CORO1B: variants seen among roughly 807,000 people sequenced by gnomAD.
CORO1B encodes coronin-1B.
A neutral mutation model predicts 51.1 loss-of-function variants in CORO1B; 30 were observed. The observed-to-expected ratio is 0.59, with a 90% CI of 0.44 to 0.80. CORO1B has a LOEUF of 0.80. Ranked by LOEUF, CORO1B falls within the 30% of genes least tolerant of loss-of-function variation. The pLI is 0.00. For synonymous variants in CORO1B, 310 were observed against 289.7 expected (o/e 1.07, Z -0.71); for missense variants, 648 against 700.4 (o/e 0.93, Z 0.84).
upstream of CORO1B, chr11:67,443,495 T>TGAC (rs1331392771): frequency 1.2e-5 from 12 of 983,876 alleles, no homozygotes; most frequent in Non-Finnish European, 1.4e-5. Context: ...ATTCAGGAAG[T>TGAC]GACAGAGGGA....
Position 67,440,280 on chromosome 11 carries a change from C to A in CORO1B, c.862-17G>T, listed in dbSNP as rs1354939363. 1 of 1,612,740 alleles carries A rather than the reference C, an allele frequency of 6.2e-7. No homozygotes were observed. The highest frequency in any genetic ancestry group is 8.5e-7 in the Non-Finnish European group (1 of 1,179,242). On this transcript the variant is annotated splice_polypyrimidine_tract_variant and intron_variant, in intron 7 of 10. Coordinates refer to ENST00000341356, the MANE Select transcript of CORO1B (RefSeq NM_020441.3). ...GGAGTCACCCTGTGTGGGGAGGGGG[C>A]TCAGCACCTGGGCACGCCTCTTCCC...
rs1864312802 is a variant in CORO1B at position 67,437,594 on chromosome 11, A to AC, written c.*781dup. ...ACCGCCTGTGGCCCCCATCCCAAGA[A>AC]CCCGGGGGGCTCCGAGGCTTACCAT... On this transcript the variant is annotated 3_prime_UTR_variant, in exon 11 of 11. Transcript: ENST00000341356. The AC allele has an allele frequency of 2.6e-5, 35 of 1,349,138 alleles. No individual in the cohort carries two copies. Among genetic ancestry groups the AC allele is most frequent in the Non-Finnish European group, 3.4e-5 (35 of 1,041,538 alleles). 83.6% of individuals were successfully genotyped at this position (1,349,138 alleles called of 1,614,324 possible).
rs1036453828 is a variant in CORO1B at position 67,436,153 on chromosome 11, C to T, written c.*2223G>A. 22 of 1,568,440 alleles carry T rather than the reference C, an allele frequency of 1.4e-5. No homozygotes were observed. The highest frequency in any genetic ancestry group is 5.8e-5 in the South Asian group (5 of 86,368). Reference sequence around the variant, plus strand: ...CCCACAGCGCGGCACCTAGGCGGGCCGGGTGGTAGTAGCCCCCTGAGTCAC... The same window carrying T: ...CCCACAGCGCGGCACCTAGGCGGGCTGGGTGGTAGTAGCCCCCTGAGTCAC... On this transcript the variant is annotated 3_prime_UTR_variant, in exon 11 of 11. Transcript: ENST00000341356.
rs1446057020 is a variant in CORO1B, at chr11:67,436,490, C to T, written c.*1886G>A. ...ACAGCCAAGCAGAAAAGGCCAAGGC[C>T]TTATTTGGTCAACCAGGCTCTGGCC... On this transcript the variant is annotated 3_prime_UTR_variant, in exon 11 of 11. Coordinates refer to ENST00000341356, the MANE Select transcript of CORO1B (RefSeq NM_020441.3). The T allele has an allele frequency of 1.0e-6, 1 of 1,000,494 alleles. No individual in the cohort carries two copies. Among genetic ancestry groups the T allele is most frequent in the Non-Finnish European group, 1.4e-6 (1 of 723,564 alleles). 62.0% of individuals were successfully genotyped at this position (1,000,494 alleles called of 1,614,324 possible).
intron 1 of CORO1B, 55 bp downstream of exon 1, chr11:67,443,349 G>T: frequency 4.7e-6 from 2 of 425,132 alleles, no homozygotes; most frequent in Non-Finnish European, 6.3e-6. Context: ...CCCGGCCCCT[G>T]CAGCCCCGCC....
chr11:67,441,662 C>CTGGAGGGGCTGCTGGGATGTA, intron 4 of CORO1B, 71 bp downstream of exon 4: 1 of 1,491,228 alleles, frequency 6.7e-7, no homozygotes, highest in Non-Finnish European at 9.0e-7. Context: ...CATGTGGGCC[C>CTGGAGGGGCTGCTGGGATGTA]TGGAGGGGCT....
At chr11:67,438,988 G>A (rs1590985413) in intron 9 of CORO1B, 39 bp from the exon 10 acceptor site, 1 of 1,560,514 alleles carries the variant, frequency 6.4e-7, no homozygotes, top group Non-Finnish European at 8.7e-7. Context: ...CAGTTAGGAG[G>A]CCCCATCAGG....
chr11:67,443,110 G>A (rs1277508130), intron 1 of CORO1B, among the ~76,000 whole-genome samples: 1 of 152,184 alleles, frequency 6.6e-6, no homozygotes, highest in Non-Finnish European at 1.5e-5. Context: ...GGAATGTCCA[G>A]GGAGCCCCGG....
At position 67,437,505 on chromosome 11, in the gene CORO1B, A is replaced by C; in HGVS notation, c.*871T>G. 3.3e-6 allele frequency: 4 copies of C among 1,227,120 alleles called. No individual in the cohort carries two copies. Among genetic ancestry groups the C allele is most frequent in the Non-Finnish European group, 4.2e-6 (4 of 943,264 alleles). 76.0% of individuals were successfully genotyped at this position (1,227,120 alleles called of 1,614,324 possible). A position where few individuals can be genotyped will look rare whatever the true frequency, so the allele number is the denominator to read the frequency against. ...CTCTGCCATACTCCTCTTAGGTCTC[A>C]CCTCTTCCCTGGGGCCAATGTGGGG... On this transcript the variant is annotated 3_prime_UTR_variant, in exon 11 of 11. Transcript: ENST00000341356.
Position 67,436,135 on chromosome 11 carries a change from C to A in CORO1B, c.*2241G>T. 1 of 1,584,800 alleles carries A rather than the reference C, an allele frequency of 6.3e-7. No individual in the cohort carries two copies. Among genetic ancestry groups the A allele is most frequent in the Non-Finnish European group, 8.6e-7 (1 of 1,165,402 alleles). On this transcript the variant is annotated 3_prime_UTR_variant, in exon 11 of 11. Transcript: ENST00000341356. ...GCAGGCGCCGCGTGCGGCCCCACAG[C>A]GCGGCACCTAGGCGGGCCGGGTGGT...
At chr11:67,443,708 A>G (rs1590988983), upstream of CORO1B, 2 of 984,320 alleles carry the variant, frequency 2.0e-6, no homozygotes, top group Non-Finnish European at 1.2e-6. Context: ...GGCAGGGCCG[A>G]CGGCGGCCGC....
In CORO1B at chr11:67,436,186, G is replaced by T. The variant is rs1343939205; in HGVS notation, c.*2190C>A. On this transcript the variant is annotated 3_prime_UTR_variant, in exon 11 of 11. Transcript: ENST00000341356. The stretch of plus-strand genomic sequence containing the variant: ...AGTAGCCCCCTGAGTCACGGCTGAG[G>T]CGGCGCCAGGCCAGTGCTAGGCCAG... 1 of 1,554,426 alleles carries T rather than the reference G, an allele frequency of 6.4e-7. No individual in the cohort carries two copies. The highest frequency in any genetic ancestry group is 2.4e-5 in the East Asian group (1 of 41,508).
rs1231419124 is a variant in CORO1B, at chr11:67,436,295, C to G, written c.*2081G>C. 6.5e-7 allele frequency: 1 copy of G among 1,530,532 alleles called. No homozygotes were observed. The highest frequency in any genetic ancestry group is 2.0e-5 in the Admixed American group (1 of 49,870). 94.8% of individuals were successfully genotyped at this position (1,530,532 alleles called of 1,614,324 possible). ...GCTGTCCTCCGCGCTGCCACCCGAG[C>G]CCAAGGCCCCTGGCAGGGCCAGCAG... is the stretch of plus-strand genomic sequence containing the variant. On this transcript the variant is annotated 3_prime_UTR_variant, in exon 11 of 11. Coordinates refer to ENST00000341356, the MANE Select transcript of CORO1B (RefSeq NM_020441.3).
intron 9 of CORO1B, 88 bp downstream of exon 9, chr11:67,439,698 T>C: frequency 7.6e-7 from 1 of 1,318,244 alleles, no homozygotes; most frequent in Non-Finnish European, 1.1e-6. Context: ...CTAGGTCATG[T>C]TCCATTCACA....
intron 10 of CORO1B, 52 bp downstream of exon 10, chr11:67,438,619 G>T: frequency 3.9e-6 from 6 of 1,519,308 alleles, no homozygotes; most frequent in Middle Eastern, 2.0e-4. Flanking sequence ...CACACAGCAG[G>T]CCAGGGCCAC....
In CORO1B at chr11:67,441,393, G is replaced by A; in HGVS notation, c.576C>T (p.Cys192=). The A allele has an allele frequency of 6.2e-7, 1 of 1,613,848 alleles. No homozygotes were observed. Among genetic ancestry groups the A allele is most frequent in the East Asian group, 2.2e-5 (1 of 44,882 alleles). The change falls in exon 5 of 11, where the codon TGC becomes TGT. Residue 192 remains cysteine (C), a synonymous_variant. Coordinates refer to ENST00000341356, the MANE Select transcript of CORO1B (RefSeq NM_020441.3). ...GCACGCTCTTGTCCTTGCATGCTGAGCAAAACAGGCTGCCATTGTGGTTCC... is the reference window on the plus strand; with the variant it reads ...GCACGCTCTTGTCCTTGCATGCTGAACAAAACAGGCTGCCATTGTGGTTCC... ...VSWNHNGSLF[C]SACKDKSVRI...
chr11:67,437,819 C>T lies in CORO1B; in HGVS notation c.*557G>A. 2.3e-6 allele frequency: 1 copy of T among 440,806 alleles called. No homozygotes were observed. The highest frequency in any genetic ancestry group is 3.8e-6 in the Non-Finnish European group (1 of 262,880). The allele number at this position is 440,806 out of a possible 1,614,324, so 27.3% of individuals were successfully genotyped here. On this transcript the variant is annotated 3_prime_UTR_variant, in exon 11 of 11. Coordinates refer to ENST00000341356, the MANE Select transcript of CORO1B (RefSeq NM_020441.3). ...AGTCTCTCTGGAGGAGGCTGGGCTGCCGGGCCTGTCCTCCAAGGAAGAAGC... is the reference window on the plus strand; with the variant it reads ...AGTCTCTCTGGAGGAGGCTGGGCTGTCGGGCCTGTCCTCCAAGGAAGAAGC...
In CORO1B at chr11:67,436,357, G is replaced by T. The variant is rs777588354; in HGVS notation, c.*2019C>A. ...CTAAGGTGCAGGGCAGAGCCTGTGG[G>T]AGACAGGCAGGGGCTCAGAGGGCTC... On this transcript the variant is annotated 3_prime_UTR_variant, in exon 11 of 11. Coordinates refer to ENST00000341356, the MANE Select transcript of CORO1B (RefSeq NM_020441.3). 7.4e-5 allele frequency: 108 copies of T among 1,449,924 alleles called. No individual in the cohort carries two copies. Among genetic ancestry groups the T allele is most frequent in the Non-Finnish European group, 9.4e-5 (104 of 1,102,630 alleles). 89.8% of individuals were successfully genotyped at this position (1,449,924 alleles called of 1,614,324 possible). A position where few individuals can be genotyped will look rare whatever the true frequency, so the allele number is the denominator to read the frequency against.
Position 67,438,464 on chromosome 11 carries a change from C to A in CORO1B, c.1382G>T (p.Arg461Leu). ...GKLEEVMQEL[R>L]ALRALVKEQG... ...CTCCTTGACCAGCGCCCTCAGGGCC[C>A]GCAGCTCCTGCATCACCTCCTCCAG... Residue 461 changes from arginine (R) to leucine (L), a missense_variant, in exon 11 of 11, where the codon CGG (arginine) becomes CTG (leucine). Physicochemically the swap from Arg to Leu is moderately radical, Grantham distance 102. Coordinates refer to ENST00000341356, the MANE Select transcript of CORO1B (RefSeq NM_020441.3). 1 of 1,610,936 alleles carries A rather than the reference C, an allele frequency of 6.2e-7. No individual in the cohort carries two copies. The highest frequency in any genetic ancestry group is 8.5e-7 in the Non-Finnish European group (1 of 1,178,530).
Sources: allele counts gnomAD v4.1 joint callset (sites outside exome capture counted in the v4.1 genomes callset), GRCh38; gene constraint gnomAD v4.1.1; transcripts MANE v1.5; gene names NCBI Gene and HGNC (gene_info 2026-07-23, HGNC 2026-07-21).